GAK: variants seen among roughly 807,000 people sequenced by gnomAD.
GAK encodes the protein cyclin-G-associated kinase.
Under a neutral mutation model 143.9 loss-of-function variants are expected in GAK, and 79 were observed. That is an observed-to-expected ratio of 0.55 (90% CI 0.46 to 0.66). The LOEUF is 0.66. GAK is among the 30% of genes least tolerant of loss of function. The probability of loss-of-function intolerance (pLI) is 0.00; values close to 1 mark genes in which losing one functional copy is unlikely to be tolerated. For synonymous variants in GAK, 881 were observed against 765.5 expected (o/e 1.15, Z -2.49); for missense variants, 1,693 against 1,779.7 (o/e 0.95, Z 0.88).
chr4:912,611 C>T, intron 3 of GAK, 124 bp downstream of exon 3: 1 of 703,410 alleles, frequency 1.4e-6, no homozygotes, highest in Non-Finnish European at 2.3e-6. Flanking sequence ...AAGCAAAAAG[C>T]CGATTTTAAC....
intron 19 of GAK, among the ~76,000 whole-genome samples, chr4:870,343 G>A (rs1208876544): frequency 9.9e-5 from 15 of 152,208 alleles, no homozygotes; most frequent in Admixed American, 9.8e-4. Flanking sequence ...TCCACATGCT[G>A]CCAGCAGGCC....
At chr4:930,627 G>A (rs1220309875) in intron 1 of GAK, among the ~76,000 whole-genome samples, 1 of 151,544 alleles carries the variant, frequency 6.6e-6, no homozygotes, top group African/African-American at 2.4e-5. Context: ...AGCAAGTCCT[G>A]TCCACAATAA....
Position 906,790 on chromosome 4 carries a change from C to T in GAK, c.383-2011G>A, listed in dbSNP as rs116652272. Among the ~76,000 whole-genome samples the T allele has an allele frequency of 9.4e-3, 1,431 of 152,304 alleles. 9 individuals carry two copies. Among genetic ancestry groups the T allele is most frequent in the Non-Finnish European group, 0.015 (1,027 of 68,022 alleles). The stretch of plus-strand genomic sequence containing the variant: ...GAGCCAAGGCCAGTACCACCACCCA[C>T]GGAACCCACACTCAGGGTCTCCCCC... On this transcript the variant is annotated intron_variant, in intron 4 of 27. Coordinates refer to ENST00000314167, the MANE Select transcript of GAK (RefSeq NM_005255.4).
chr4:856,235 G>A lies in GAK; in HGVS notation c.3283+3371C>T, dbSNP rs966789242. ...CTCACCACAGCTGCTCACCACCACA[G>A]CTGCTCACACCTGCTCACCACAGCT... On this transcript the variant is annotated intron_variant, in intron 24 of 27. Transcript: ENST00000314167. 8.0e-5 allele frequency among the ~76,000 whole-genome samples: 11 copies of A among 136,790 alleles called. No homozygotes were observed. In the South Asian group the frequency reaches 2.6e-3, roughly 33 times the overall value. The allele number at this position is 136,790 out of a possible 152,430, so 89.7% of individuals were successfully genotyped here.
At chr4:913,234 A>G (rs1055577441) in intron 2 of GAK, among the ~76,000 whole-genome samples, 1 of 152,226 alleles carries the variant, frequency 6.6e-6, no homozygotes, top group Non-Finnish European at 1.5e-5. Context: ...AGACCCTCCC[A>G]CAGTGACCCC....
intron 3 of GAK, chr4:912,378 G>A: frequency 5.4e-6 from 2 of 371,788 alleles, no homozygotes; most frequent in South Asian, 4.1e-5. Flanking sequence ...GTGGGAGCCA[G>A]GCCATCTGCA....
chr4:861,774 C>T (rs916694263), intron 23 of GAK, among the ~76,000 whole-genome samples: 21 of 152,186 alleles, frequency 1.4e-4, no homozygotes, highest in Admixed American at 5.2e-4. Context: ...GAGAGAAGGT[C>T]GGACCAGCCC....
intron 4 of GAK, among the ~76,000 whole-genome samples, chr4:906,352 C>G (rs1378327670): frequency 6.6e-6 from 1 of 152,224 alleles, no homozygotes; most frequent in East Asian, 1.9e-4. Flanking sequence ...ACGACAGTAT[C>G]AGTGCCTGTG....
intron 15 of GAK, among the ~76,000 whole-genome samples, chr4:880,777 G>A (rs561201137): frequency 3.3e-5 from 5 of 152,336 alleles, no homozygotes; most frequent in East Asian, 1.9e-4. Context: ...CTAGCTGCCC[G>A]GTGGGAGCAG....
At chr4:909,160 T>C (rs548680056) in intron 4 of GAK, among the ~76,000 whole-genome samples, 2 of 152,362 alleles carry the variant, frequency 1.3e-5, no homozygotes, top group South Asian at 4.1e-4. Flanking sequence ...CTCTGTGTTA[T>C]TTGTATTTTG....
intron 26 of GAK, 180 bp from the exon 27 acceptor site, chr4:850,248 G>C (rs559861552): frequency 5.8e-6 from 3 of 519,126 alleles, no homozygotes; most frequent in East Asian, 6.0e-5. Context: ...CACTCCGGAC[G>C]ACACAGGGCC....
At chr4:921,268 A>G (rs1577321390) in intron 1 of GAK, among the ~76,000 whole-genome samples, 2 of 152,044 alleles carry the variant, frequency 1.3e-5, no homozygotes, top group African/African-American at 4.8e-5. Context: ...ACGCCCGGCT[A>G]ATTTTTGTAT....
intron 4 of GAK, among the ~76,000 whole-genome samples, chr4:909,186 T>C (rs997183768): frequency 6.6e-6 from 1 of 152,242 alleles, no homozygotes; most frequent in Admixed American, 6.5e-5. Flanking sequence ...CAGCATGTAT[T>C]CTTTTATAAT....
In GAK at chr4:924,834, C is replaced by CG. The variant is rs397768915; in HGVS notation, c.145+7208dup. Among the ~76,000 whole-genome samples, 36 of 150,324 alleles carry CG rather than the reference C, an allele frequency of 2.4e-4. 1 individual carries two copies. Among genetic ancestry groups the CG allele is most frequent in the African/African-American group, 8.6e-4 (35 of 40,862 alleles). On this transcript the variant is annotated intron_variant, in intron 1 of 27. Coordinates refer to ENST00000314167, the MANE Select transcript of GAK (RefSeq NM_005255.4). ...TTGGGTCGTGGGGGTGGAGTTCCCC[C>CG]GGGGGGCTGCTCTCAGGATAGTGAG...
At chr4:859,849 G>T in intron 23 of GAK, 127 bp from the exon 24 acceptor site, 1 of 698,410 alleles carries the variant, frequency 1.4e-6, no homozygotes, top group Non-Finnish European at 2.5e-6. Flanking sequence ...GCACCTGCAT[G>T]GCTTGCGTGC....
chr4:913,537 A>G, intron 2 of GAK, 70 bp downstream of exon 2: 1 of 1,211,790 alleles, frequency 8.3e-7, no homozygotes, highest in East Asian at 2.3e-5. Context: ...CGCATCCCTG[A>G]AAAGACTGTC....
chr4:878,757 C>T (rs1306508145), intron 15 of GAK, among the ~76,000 whole-genome samples: 2 of 152,332 alleles, frequency 1.3e-5, no homozygotes, highest in African/African-American at 2.4e-5. Flanking sequence ...CTGGCTTTCC[C>T]GTGGCTGGCG....
chr4:872,268 C>G (rs924998480), intron 18 of GAK: 1 of 152,312 alleles, frequency 6.6e-6, no homozygotes, highest in Non-Finnish European at 1.5e-5. Flanking sequence ...TGGCCAACCT[C>G]ACGCAGAGCA....
chr4:857,699 G>A (rs1269728522), intron 24 of GAK, among the ~76,000 whole-genome samples: 1 of 152,176 alleles, frequency 6.6e-6, no homozygotes, highest in Non-Finnish European at 1.5e-5. Context: ...AGCAGCCCCG[G>A]GAGAGGTCTG....
Sources: allele counts gnomAD v4.1 joint callset (sites outside exome capture counted in the v4.1 genomes callset), GRCh38; gene constraint gnomAD v4.1.1; transcripts MANE v1.5; gene names NCBI Gene and HGNC (gene_info 2026-07-23, HGNC 2026-07-21).